Variants in NEK5 observed in about 807,000 individuals in gnomAD.
The protein encoded by NEK5 is serine/threonine-protein kinase Nek5.
In NEK5, 88 loss-of-function variants were observed where a neutral mutation model predicts 109.2. The observed-to-expected ratio is 0.81, with a 90% confidence interval of 0.68 to 0.96. NEK5 has a LOEUF of 0.96. Among genes scored for constraint, NEK5 ranks in the 40% least tolerant of loss-of-function variants. The probability of loss-of-function intolerance (pLI) is 0.00; values close to 1 mark genes in which losing one functional copy is unlikely to be tolerated. For missense variants in NEK5, 834 were observed against 920.7 expected, an observed-to-expected ratio of 0.91 and a Z score of 1.22; for synonymous variants, 283 against 299.9, an observed-to-expected ratio of 0.94 and a Z score of 0.58.
chr13:52,056,759 G>C (rs1954559707), intron 22 of NEK5, among the ~76,000 whole-genome samples: 1 of 151,738 alleles, frequency 6.6e-6, no homozygotes, highest in Admixed American at 6.6e-5. Context: ...CGAGAACAAA[G>C]ATACAACATA....
intron 19 of NEK5, among the ~76,000 whole-genome samples, chr13:52,072,792 T>C (rs1297808278): frequency 6.6e-6 from 1 of 152,220 alleles, no homozygotes; most frequent in Non-Finnish European, 1.5e-5. Context: ...TAAAGAACAT[T>C]AAATAAAAAC....
intron 17 of NEK5, among the ~76,000 whole-genome samples, chr13:52,081,740 T>C (rs1218545883): frequency 6.6e-6 from 1 of 152,236 alleles, no homozygotes; most frequent in Non-Finnish European, 1.5e-5. Flanking sequence ...ACCCAATTCC[T>C]GATACAAACT....
Position 52,036,799 on chromosome 13 carries a change from A to G in NEK5, c.*149T>C, listed in dbSNP as rs1954364798. 4.2e-6 allele frequency: 1 copy of G among 240,194 alleles called. No individual in the cohort carries two copies. Among genetic ancestry groups the G allele is most frequent in the Admixed American group, 6.5e-5 (1 of 15,350 alleles). 14.9% of individuals were successfully genotyped at this position (240,194 alleles called of 1,614,324 possible). On this transcript the variant is annotated 3_prime_UTR_variant, in exon 24 of 24. Coordinates refer to ENST00000684899, the MANE Select transcript of NEK5 (RefSeq NM_001365552.1). ...GTAAAAATATTAATGGCTATATTCA[A>G]AAGTTCTACTTCCTAAATTGAAAGA...
chr13:52,052,514 G>T (rs1009605624), intron 22 of NEK5, among the ~76,000 whole-genome samples: 3 of 152,150 alleles, frequency 2.0e-5, no homozygotes, highest in Non-Finnish European at 4.4e-5. Flanking sequence ...GAACGTATTT[G>T]CAGCAAGGAG....
chr13:52,051,425 T>C (rs974617621), intron 22 of NEK5, among the ~76,000 whole-genome samples: 6 of 152,342 alleles, frequency 3.9e-5, no homozygotes, highest in Non-Finnish European at 8.8e-5. Context: ...AAAGGTGCCA[T>C]TCATCCCTCC....
chr13:52,128,586 G>A (rs1332295273), intron 1 of NEK5, among the ~76,000 whole-genome samples: 3 of 152,130 alleles, frequency 2.0e-5, no homozygotes, highest in Non-Finnish European at 4.4e-5. Context: ...AGTCGGTACT[G>A]GGTTGCAGGG....
Position 52,037,114 on chromosome 13 carries a change from G to A in NEK5, c.2333C>T (p.Thr778Ile), listed in dbSNP as rs1271035337. Residue 778 changes from threonine to isoleucine, a missense_variant, in exon 24 of 24, where the codon ACC (threonine) becomes ATC (isoleucine). By Grantham distance (89) the Thr-to-Ile change is moderately conservative (BLOSUM62 -1). Coordinates refer to ENST00000684899, the MANE Select transcript of NEK5 (RefSeq NM_001365552.1). ...GEEKTEEASS[T>I]SKDSRKSRER... The stretch of plus-strand genomic sequence containing the variant: ...TCTTGACTTTCTAGAGTCCTTAGAG[G>A]TACTGGAGGCCTCTTCTGTTTTTTC... 1 of 985,252 alleles carries A rather than the reference G, an allele frequency of 1.0e-6. No individual in the cohort carries two copies. The highest frequency in any genetic ancestry group is 4.7e-5 in the South Asian group (1 of 21,278). The allele number at this position is 985,252 out of a possible 1,614,324, so 61.0% of individuals were successfully genotyped here. A position where few individuals can be genotyped will look rare whatever the true frequency, so the allele number is the denominator to read the frequency against.
chr13:52,108,555 G>A (rs1363798005), intron 7 of NEK5, 151 bp from the exon 8 acceptor site: 1 of 477,222 alleles, frequency 2.1e-6, no homozygotes, highest in African/African-American at 2.0e-5. Context: ...ACTGTATGTT[G>A]ATAAAGTAAC....
chr13:52,045,122 T>TA (rs1268666380), intron 23 of NEK5, among the ~76,000 whole-genome samples: 2 of 136,762 alleles, frequency 1.5e-5, no homozygotes, highest in African/African-American at 2.6e-5. Context: ...CAAATTAGAA[T>TA]AAAAAATCTT....
chr13:52,110,265 C>T, intron 7 of NEK5, 75 bp downstream of exon 7: 1 of 962,536 alleles, frequency 1.0e-6, no homozygotes, highest in Non-Finnish European at 1.6e-6. Flanking sequence ...TTAATATCTT[C>T]TTAATCCATG....
At position 52,033,717 on chromosome 13, in the gene NEK5, A is replaced by G. The variant is rs529028346; in HGVS notation, c.*3231T>C. The G allele has an allele frequency of 1.2e-4, 18 of 153,890 alleles. No homozygotes were observed. The East Asian group carries it at 2.5e-3, about 21-fold the overall frequency. 9.5% of individuals were successfully genotyped at this position (153,890 alleles called of 1,614,324 possible). Reference sequence around the variant, plus strand: ...TTGAGGGATTTTATAAGGTCATCTTATAGACAAAATTAAGAGACACCAGTG... The same window carrying G: ...TTGAGGGATTTTATAAGGTCATCTTGTAGACAAAATTAAGAGACACCAGTG... On this transcript the variant is annotated 3_prime_UTR_variant, in exon 24 of 24. Transcript: ENST00000684899.
At chr13:52,046,596 T>C (rs1229263996) in intron 23 of NEK5, among the ~76,000 whole-genome samples, 3 of 151,888 alleles carry the variant, frequency 2.0e-5, no homozygotes, top group Non-Finnish European at 4.4e-5. Context: ...TCAGGCATAG[T>C]GGCAAGTGCC....
intron 3 of NEK5, among the ~76,000 whole-genome samples, chr13:52,123,228 G>A (rs1956003624): frequency 6.6e-6 from 1 of 152,190 alleles, no homozygotes; most frequent in Non-Finnish European, 1.5e-5. Flanking sequence ...TTGTGACACA[G>A]ATGTTATAGG....
At chr13:52,041,367 A>G (rs1954411323) in intron 23 of NEK5, among the ~76,000 whole-genome samples, 1 of 152,186 alleles carries the variant, frequency 6.6e-6, no homozygotes, top group Non-Finnish European at 1.5e-5. Context: ...ATAAGAAAAA[A>G]TAATTATCTT....
intron 12 of NEK5, among the ~76,000 whole-genome samples, chr13:52,095,990 A>T (rs1955406710): frequency 6.6e-6 from 1 of 152,034 alleles, no homozygotes; most frequent in Non-Finnish European, 1.5e-5. Flanking sequence ...ATAGTGAGTG[A>T]GTTTTCATGA....
In NEK5 at chr13:52,076,122, G is replaced by A; in HGVS notation, c.1594C>T (p.Gln532Ter). 1.3e-6 allele frequency: 2 copies of A among 1,594,840 alleles called. No homozygotes were observed. The highest frequency in any genetic ancestry group is 1.7e-6 in the Non-Finnish European group (2 of 1,166,884). ...PVQDIEKDLKQMRLQNTKESK... is the reference protein window; with the variant it reads ...PVQDIEKDLK The stretch of plus-strand genomic sequence containing the variant: ...TCCTTTGTGTTCTGAAGCCTCATTT[G>A]TTTCAAGTCTTTTTCAATGTCCTGA... Residue 532 changes from glutamine to a stop codon, truncating the protein, a stop_gained, in exon 18 of 24, where the codon CAA (glutamine) becomes TAA (stop). Transcript: ENST00000684899. LOFTEE classifies it high-confidence loss of function.
At chr13:52,097,234 T>C (rs190000859) in intron 12 of NEK5, among the ~76,000 whole-genome samples, 115 of 152,266 alleles carry the variant, frequency 7.6e-4, no homozygotes, top group Admixed American at 2.4e-3. Context: ...CATTGGAGCC[T>C]CCACACAGAG....
chr13:52,073,365 G>A (rs1228847634), intron 19 of NEK5, among the ~76,000 whole-genome samples: 2 of 148,960 alleles, frequency 1.3e-5, no homozygotes, highest in African/African-American at 5.0e-5. Flanking sequence ...GCCCAGGCTC[G>A]AGTGCAGTAC....
chr13:52,036,888 AC>A lies in NEK5; in HGVS notation c.*59del. On this transcript the variant is annotated 3_prime_UTR_variant, in exon 24 of 24. Transcript: ENST00000684899. Reference sequence around the variant, plus strand: ...CAGTAAATGAGCATTTATGACTTGTACCCAAATAAATACTATAGGTAATAGA... The same window carrying A: ...CAGTAAATGAGCATTTATGACTTGTACCAAATAAATACTATAGGTAATAGA... 1.3e-6 allele frequency: 1 copy of A among 799,410 alleles called. No individual in the cohort carries two copies. The highest frequency in any genetic ancestry group is 1.9e-5 in the African/African-American group (1 of 53,612). The allele number at this position is 799,410 out of a possible 1,614,324, so 49.5% of individuals were successfully genotyped here.
Sources: gnomAD v4.1 joint callset for allele counts (sites outside exome capture counted in the v4.1 genomes callset) on GRCh38, gnomAD v4.1.1 for gene constraint, MANE v1.5 for transcripts, NCBI Gene and HGNC (gene_info 2026-07-23, HGNC 2026-07-21) for gene names.